The following LRBA variants were observed in gnomAD, a reference collection of about 807,000 sequenced individuals.
The protein encoded by LRBA is lipopolysaccharide-responsive and beige-like anchor protein.
Under a neutral mutation model 330.0 loss-of-function variants are expected in LRBA, and 176 were observed. That is an observed-to-expected ratio of 0.53 (90% CI 0.47 to 0.60). The LOEUF is 0.60. Ranked by LOEUF, LRBA falls within the 20% of genes least tolerant of loss-of-function variation. The pLI, the probability that LRBA is intolerant of heterozygous loss-of-function variation, is 0.00. For synonymous variants in LRBA, 1,230 were observed against 1,193.0 expected, an observed-to-expected ratio of 1.03 and a Z score of -0.64; for missense variants, 3,259 against 3,444.8, an observed-to-expected ratio of 0.95 and a Z score of 1.35.
intron 37 of LRBA, among the ~76,000 whole-genome samples, chr4:150,629,005 C>G (rs1777115008): frequency 6.6e-6 from 1 of 152,140 alleles, no homozygotes; most frequent in African/African-American, 2.4e-5. Flanking sequence ...TCAAATGATC[C>G]TCCTGCCTCA....
At chr4:150,849,368 GT>G (rs1750315323) in intron 25 of LRBA, 53 bp downstream of exon 25, 1 of 1,522,656 alleles carries the variant, frequency 6.6e-7, no homozygotes, top group African/African-American at 1.4e-5. Flanking sequence ...AGTCAATAAA[GT>G]TGCATAACAC....
rs1481185778 is a variant in LRBA, at chr4:150,572,233, T to C, written c.6330+15815A>G. 3.9e-5 allele frequency among the ~76,000 whole-genome samples: 6 copies of C among 152,246 alleles called. No homozygotes were observed. In the South Asian group the frequency reaches 1.2e-3, roughly 32 times the overall value. ...CGATCCTTCTACTCCTATTTTATTC[T>C]GAAAAATAATACAGAAAGTCAAACA... is the stretch of plus-strand genomic sequence containing the variant. On this transcript the variant is annotated intron_variant, in intron 40 of 56. Transcript: ENST00000651943.
intron 37 of LRBA, among the ~76,000 whole-genome samples, chr4:150,621,486 G>A (rs1776284563): frequency 6.6e-6 from 1 of 152,108 alleles, no homozygotes; most frequent in South Asian, 2.1e-4. Flanking sequence ...GCACTAGTTA[G>A]AACAGCACTA....
Position 150,321,051 on chromosome 4 carries a change from G to A in LRBA, c.7630+140C>T, listed in dbSNP as rs1732440268. The A allele has an allele frequency of 1.3e-6, 1 of 768,776 alleles. No homozygotes were observed. The highest frequency in any genetic ancestry group is 2.0e-6 in the Non-Finnish European group (1 of 499,844). The allele number at this position is 768,776 out of a possible 1,614,324, so 47.6% of individuals were successfully genotyped here. A position where few individuals can be genotyped will look rare whatever the true frequency, so the allele number is the denominator to read the frequency against. ...TATGCCTCACGTGGGCCTTTTTTAA[G>A]CCTTTCAAACTATTAAACAATTTGA... On this transcript the variant is annotated intron_variant, in intron 50 of 56. Transcript: ENST00000651943. This position sits in a 1 kb window ranked among gnomAD's most constrained non-coding sequence, Gnocchi z 4.5.
intron 18 of LRBA, among the ~76,000 whole-genome samples, chr4:150,871,964 C>T (rs1218791304): frequency 2.6e-5 from 4 of 152,138 alleles, no homozygotes; most frequent in Non-Finnish European, 1.5e-5. Context: ...TAATTTTACC[C>T]TTGGGGTCAG....
At chr4:150,809,862 TACGATAC>T (rs1743381542) in intron 31 of LRBA, among the ~76,000 whole-genome samples, 2 of 40,036 alleles carry the variant, frequency 5.0e-5, no homozygotes, top group African/African-American at 1.0e-4. Flanking sequence ...TACGATACGA[TACGATAC>T]GATACGATAC....
chr4:150,650,953 G>A (rs1050901384), intron 37 of LRBA, among the ~76,000 whole-genome samples: 1 of 152,142 alleles, frequency 6.6e-6, no homozygotes, highest in South Asian at 2.1e-4. Context: ...ATGAGGTAAA[G>A]TTATGAATTA....
At chr4:150,732,694 T>C (rs566413316) in intron 36 of LRBA, among the ~76,000 whole-genome samples, 2 of 152,160 alleles carry the variant, frequency 1.3e-5, no homozygotes, top group East Asian at 1.9e-4. Context: ...CATTATGTTT[T>C]TCCAAGTTGT....
intron 40 of LRBA, among the ~76,000 whole-genome samples, chr4:150,541,210 G>A (rs901123286): frequency 6.6e-6 from 1 of 152,150 alleles, no homozygotes; most frequent in Non-Finnish European, 1.5e-5. Flanking sequence ...GAGGAAGAAG[G>A]GAAAGGAGAA....
At chr4:150,705,486 A>C (rs1309183771) in intron 36 of LRBA, among the ~76,000 whole-genome samples, 1 of 152,102 alleles carries the variant, frequency 6.6e-6, no homozygotes, top group African/African-American at 2.4e-5. Flanking sequence ...AAAGTTATTC[A>C]CAAGAGGCAA....
intron 36 of LRBA, among the ~76,000 whole-genome samples, chr4:150,705,300 C>T (rs568941391): frequency 1.1e-4 from 16 of 152,020 alleles, no homozygotes; most frequent in African/African-American, 3.1e-4. Context: ...TGAATATAAA[C>T]GGGTAAGAAG....
intron 54 of LRBA, among the ~76,000 whole-genome samples, chr4:150,283,179 C>T (rs900388288): frequency 6.6e-6 from 1 of 152,122 alleles, no homozygotes; most frequent in Non-Finnish European, 1.5e-5. Context: ...AAAGGGGGTC[C>T]CTGGTAGTTC....
chr4:150,630,598 T>C (rs1300033072), intron 37 of LRBA, among the ~76,000 whole-genome samples: 7 of 152,122 alleles, frequency 4.6e-5, no homozygotes, highest in Non-Finnish European at 7.4e-5. Flanking sequence ...TTTAAACAAA[T>C]ACAGTATTTA....
chr4:150,805,579 A>G (rs1742634446), intron 33 of LRBA, among the ~76,000 whole-genome samples: 3 of 135,402 alleles, frequency 2.2e-5, no homozygotes, highest in Non-Finnish European at 4.7e-5. Context: ...AGGAAAGGAA[A>G]GGAAAGGAAA....
chr4:150,621,705 A>G (rs1776308329), intron 37 of LRBA, among the ~76,000 whole-genome samples: 2 of 152,240 alleles, frequency 1.3e-5, no homozygotes, highest in Non-Finnish European at 2.9e-5. Context: ...GTATGTTCAA[A>G]ATCATTACTT....
chr4:150,340,491 T>C (rs536363505), intron 48 of LRBA, among the ~76,000 whole-genome samples: 1 of 152,156 alleles, frequency 6.6e-6, no homozygotes, highest in African/African-American at 2.4e-5. Context: ...TTTAATGTCA[T>C]TGATTAATAG....
intron 35 of LRBA, among the ~76,000 whole-genome samples, chr4:150,755,564 T>A (rs1283871516): frequency 6.6e-6 from 1 of 152,172 alleles, no homozygotes; most frequent in Non-Finnish European, 1.5e-5. Flanking sequence ...GATGAGAATT[T>A]AAATCTTAAA....
chr4:150,560,638 C>T (rs1421178262), intron 40 of LRBA, among the ~76,000 whole-genome samples: 2 of 152,158 alleles, frequency 1.3e-5, no homozygotes, highest in Non-Finnish European at 2.9e-5. Flanking sequence ...CTAACTGATA[C>T]TTAGTAGAAC....
rs764745197 is a variant in LRBA at position 150,848,824 on chromosome 4, G to A, written c.4333C>T (p.Arg1445Ter). The change falls in exon 26 of 57, where the codon CGA (arginine) becomes TGA (stop). Residue 1445 changes from arginine (R) to a stop codon, truncating the protein, a stop_gained. Transcript: ENST00000651943. LOFTEE classifies it high-confidence loss of function. The stretch of plus-strand genomic sequence containing the variant: ...ACGGTTTTTAGCAGCTCACCTAGTC[G>A]GAGACACTGCCGCAAAATTCCTCCA... ...SSGGILRQCL[R>*]LVCAVAVRNC... is the part of the protein sequence containing the mutation. The A allele has an allele frequency of 4.4e-6, 7 of 1,600,750 alleles. No individual in the cohort carries two copies. The highest frequency in any genetic ancestry group is 1.7e-5 in the Admixed American group (1 of 57,204).
Sources: gnomAD v4.1 joint callset for allele counts (sites outside exome capture counted in the v4.1 genomes callset) on GRCh38, gnomAD v4.1.1 for gene constraint, Gnocchi (gnomAD v3.1) non-coding constraint, MANE v1.5 for transcripts, NCBI Gene and HGNC (gene_info 2026-07-23, HGNC 2026-07-21) for gene names.